SMC3: variants seen among roughly 807,000 people sequenced by gnomAD.
SMC3 encodes structural maintenance of chromosomes 3, also known as structural maintenance of chromosomes protein 3.
SMC3 carries 20 observed loss-of-function variants against 171.8 expected under a neutral mutation model. The observed-to-expected ratio is 0.12, with a 90% CI of 0.08 to 0.17. The LOEUF (loss-of-function observed/expected upper bound fraction) is 0.17, where lower values mean the gene tolerates loss of function less well. Among genes scored for constraint, SMC3 ranks in the 10% least tolerant of loss-of-function variants. SMC3 has a pLI of 1.00. For missense variants in SMC3, 543 were observed against 1,420.4 expected, an observed-to-expected ratio of 0.38 and a Z score of 9.93; for synonymous variants, 464 against 451.1, an observed-to-expected ratio of 1.03 and a Z score of -0.36.
chr10:110,577,810 T>C (rs1366873754), intron 5 of SMC3, 25 bp from the exon 6 acceptor site: 1 of 1,525,324 alleles, frequency 6.6e-7, no homozygotes, highest in Non-Finnish European at 9.1e-7. Flanking sequence ...TTAAATTAAC[T>C]GTGGGCTTTT....
intron 17 of SMC3, among the ~76,000 whole-genome samples, chr10:110,591,701 G>A (rs1861207283): frequency 6.6e-6 from 1 of 152,160 alleles, no homozygotes; most frequent in South Asian, 2.1e-4. Context: ...TTGCTTTGAG[G>A]TACTTGACTT....
chr10:110,604,200 C>CAT, intron 28 of SMC3, 31 bp from the exon 29 acceptor site: 1 of 1,422,640 alleles, frequency 7.0e-7, no homozygotes, highest in South Asian at 1.1e-5. Flanking sequence ...ATGTAATTAA[C>CAT]AGATTTTTGT....
At position 110,583,525 on chromosome 10, in the gene SMC3, C is replaced by A; in HGVS notation, c.946C>A (p.Leu316Ile). The A allele has an allele frequency of 6.2e-7, 1 of 1,613,982 alleles. No homozygotes were observed. The highest frequency in any genetic ancestry group is 8.5e-7 in the Non-Finnish European group (1 of 1,179,946). Residue 316 changes from leucine to isoleucine, a missense_variant, in exon 11 of 29, where the codon CTA (leucine) becomes ATA (isoleucine). Leu to Ile is a conservative substitution (Grantham distance 5). Coordinates refer to ENST00000361804, the MANE Select transcript of SMC3 (RefSeq NM_005445.4). ...ELKAKDLQDE[L>I]AGNSEQRKRL... Reference sequence around the variant, plus strand: ...TAAAGCCAAGGATTTACAAGATGAACTAGCAGGCAATAGTGAACAAAGGGT... The same window carrying A: ...TAAAGCCAAGGATTTACAAGATGAAATAGCAGGCAATAGTGAACAAAGGGT...
At chr10:110,598,034 T>C (rs370057191) in intron 19 of SMC3, 105 bp from the exon 20 acceptor site, 16 of 1,023,300 alleles carry the variant, frequency 1.6e-5, no homozygotes, top group East Asian at 7.2e-5. Flanking sequence ...TAAATGTTAT[T>C]TGGGGGTAAA....
intron 14 of SMC3, 58 bp from the exon 15 acceptor site, chr10:110,589,834 T>G: frequency 6.5e-7 from 1 of 1,530,592 alleles, no homozygotes; most frequent in East Asian, 2.3e-5. Flanking sequence ...AACTGTATAC[T>G]GTTAATGCAT....
At chr10:110,570,224 T>C (rs1188208103) in intron 2 of SMC3, among the ~76,000 whole-genome samples, 1 of 152,158 alleles carries the variant, frequency 6.6e-6, no homozygotes, top group Admixed American at 6.5e-5. Context: ...CCAAATACTA[T>C]CACATTCGGG....
Position 110,604,531 on chromosome 10 carries a change from C to T in SMC3, c.*229C>T. ...CAACTTTTTGTAAAATGTTCTGCTC[C>T]TATTTTAAATGTTTTGAAACATGCT... On this transcript the variant is annotated 3_prime_UTR_variant, in exon 29 of 29. Coordinates refer to ENST00000361804, the MANE Select transcript of SMC3 (RefSeq NM_005445.4). 1 of 469,270 alleles carries T rather than the reference C, an allele frequency of 2.1e-6. No homozygotes were observed. 29.1% of individuals were successfully genotyped at this position (469,270 alleles called of 1,614,324 possible).
intron 17 of SMC3, among the ~76,000 whole-genome samples, chr10:110,591,395 A>G (rs1042863026): frequency 3.3e-5 from 5 of 150,698 alleles, no homozygotes; most frequent in African/African-American, 1.0e-4. Flanking sequence ...AAAAGAAGAG[A>G]AAAAAGCTAA....
chr10:110,588,016 G>C (rs1187271392), intron 13 of SMC3, among the ~76,000 whole-genome samples: 1 of 152,144 alleles, frequency 6.6e-6, no homozygotes, highest in African/African-American at 2.4e-5. Flanking sequence ...TTTTGAGACA[G>C]AGTCTCGCTG....
chr10:110,578,487 C>G (rs1860988432), intron 6 of SMC3, 141 bp from the exon 7 acceptor site: 3 of 652,256 alleles, frequency 4.6e-6, no homozygotes, highest in Non-Finnish European at 8.2e-6. Context: ...ACATAAGAAT[C>G]AGAAAGTTCT....
chr10:110,584,562 C>CTG (rs1429395068), intron 13 of SMC3, among the ~76,000 whole-genome samples, 166 bp downstream of exon 13: 1 of 151,986 alleles, frequency 6.6e-6, no homozygotes, highest in African/African-American at 2.4e-5. Context: ...ACATATAGTT[C>CTG]TTTTTTAAAG....
At chr10:110,575,436 T>A in intron 4 of SMC3, 33 bp downstream of exon 4, 1 of 1,444,000 alleles carries the variant, frequency 6.9e-7, no homozygotes, top group Non-Finnish European at 9.7e-7. Context: ...ATTATTGATA[T>A]TACATATATT....
At chr10:110,594,408 T>G (rs187659390) in intron 18 of SMC3, among the ~76,000 whole-genome samples, 70 of 152,210 alleles carry the variant, frequency 4.6e-4, no homozygotes, top group African/African-American at 1.7e-3. Flanking sequence ...TACTGATACA[T>G]GTAAACAATA....
intron 7 of SMC3, among the ~76,000 whole-genome samples, chr10:110,579,518 C>T (rs1861000813): frequency 6.6e-6 from 1 of 152,110 alleles, no homozygotes; most frequent in Non-Finnish European, 1.5e-5. Context: ...ATTGCCTCAT[C>T]TGAAAGCATT....
At chr10:110,590,662 C>A in intron 16 of SMC3, 90 bp downstream of exon 16, 1 of 1,109,718 alleles carries the variant, frequency 9.0e-7, no homozygotes, top group Non-Finnish European at 1.3e-6. Context: ...AACATATCTT[C>A]CATTATCTTT....
chr10:110,580,397 T>A (rs564737164), intron 7 of SMC3, among the ~76,000 whole-genome samples: 9 of 152,232 alleles, frequency 5.9e-5, no homozygotes, highest in Non-Finnish European at 1.2e-4. Context: ...TCATATTGAC[T>A]AAGAAAAAGA....
intron 13 of SMC3, among the ~76,000 whole-genome samples, chr10:110,584,742 A>C (rs530237674): frequency 1.3e-5 from 2 of 152,256 alleles, no homozygotes; most frequent in East Asian, 3.9e-4. Context: ...CTCCATCCTT[A>C]GCCTCCTAAC....
intron 13 of SMC3, among the ~76,000 whole-genome samples, chr10:110,587,359 G>GA (rs1229183900): frequency 7.9e-5 from 12 of 152,156 alleles, no homozygotes; most frequent in Middle Eastern, 3.4e-3. Flanking sequence ...GATACACCTG[G>GA]AAAAAAACAA....
chr10:110,567,856 C>T (rs781516667), intron 1 of SMC3, 25 bp downstream of exon 1: 4 of 1,613,022 alleles, frequency 2.5e-6, no homozygotes, highest in Admixed American at 1.7e-5. Context: ...TCCCTCCACC[C>T]CGTCATGGGC....
Sources: gnomAD v4.1 joint callset for allele counts (sites outside exome capture counted in the v4.1 genomes callset) on GRCh38, gnomAD v4.1.1 for gene constraint, MANE v1.5 for transcripts, NCBI Gene and HGNC (gene_info 2026-07-23, HGNC 2026-07-21) for gene names.